The following LARP1B variants were observed in gnomAD, a reference collection of about 807,000 sequenced individuals.
The protein encoded by LARP1B is La ribonucleoprotein 1B, also known as la-related protein 1B.
In LARP1B, 76 loss-of-function variants were observed where a neutral mutation model predicts 114.2. The ratio of observed to expected loss-of-function variants is 0.67; its 90% confidence interval spans 0.55 to 0.81. LARP1B has a LOEUF of 0.81. Ranked by LOEUF, LARP1B falls within the 30% of genes least tolerant of loss-of-function variation. The pLI is 0.00. For synonymous variants in LARP1B, 345 were observed against 348.0 expected (o/e 0.99, Z 0.10); for missense variants, 1,014 against 1,075.8 (o/e 0.94, Z 0.80).
intron 11 of LARP1B, among the ~76,000 whole-genome samples, chr4:128,128,132 T>C (rs1450603236): frequency 1.3e-5 from 2 of 152,138 alleles, no homozygotes; most frequent in Non-Finnish European, 2.9e-5. Context: ...CAAAATTAAC[T>C]TGAGTTAAAT....
At chr4:128,094,927 T>A (rs1777350529) in intron 7 of LARP1B, among the ~76,000 whole-genome samples, 1 of 151,984 alleles carries the variant, frequency 6.6e-6, no homozygotes, top group Non-Finnish European at 1.5e-5. Context: ...AATTTTGTAT[T>A]TTTAGTAAAG....
intron 1 of LARP1B, chr4:128,062,317 G>A (rs1760474047): frequency 1.0e-6 from 1 of 963,814 alleles, no homozygotes; most frequent in Non-Finnish European, 1.2e-6. Flanking sequence ...ACCAGGCCCG[G>A]GTAACGGCAG....
intron 11 of LARP1B, among the ~76,000 whole-genome samples, chr4:128,131,779 A>G (rs975688478): frequency 6.6e-6 from 1 of 152,216 alleles, no homozygotes; most frequent in Non-Finnish European, 1.5e-5. Context: ...TTCAAAGAAG[A>G]TATACATGGG....
At chr4:128,108,614 A>G in intron 9 of LARP1B, 1 of 985,436 alleles carries the variant, frequency 1.0e-6, no homozygotes, top group African/African-American at 1.7e-5. Context: ...TTGGACAGGC[A>G]TTTTAAAAGC....
At chr4:128,220,147 A>AC (rs1759897932) in intron 6 of LARP1B, among the ~76,000 whole-genome samples, 1 of 152,034 alleles carries the variant, frequency 6.6e-6, no homozygotes, top group Non-Finnish European at 1.5e-5. Flanking sequence ...AGCCTCCCAA[A>AC]GTGCTGTGAT....
intron 15 of LARP1B, among the ~76,000 whole-genome samples, chr4:128,196,634 G>A (rs779702346): frequency 1.3e-5 from 2 of 150,476 alleles, no homozygotes; most frequent in African/African-American, 2.4e-5. Flanking sequence ...TCACTCTGTC[G>A]CCCAGGCTGG....
chr4:128,078,104 A>C, intron 4 of LARP1B, 142 bp downstream of exon 4: 3 of 546,838 alleles, frequency 5.5e-6, no homozygotes, highest in South Asian at 5.6e-5. Context: ...GAGGTAACTC[A>C]TTTGCTTTTG....
chr4:128,196,890 G>A (rs566482271), intron 15 of LARP1B, among the ~76,000 whole-genome samples: 1 of 152,232 alleles, frequency 6.6e-6, no homozygotes, highest in South Asian at 2.1e-4. Context: ...TTTGATTTAT[G>A]CTGCTACATG....
intron 11 of LARP1B, among the ~76,000 whole-genome samples, 165 bp from the exon 12 acceptor site, chr4:128,162,029 G>A (rs1451113219): frequency 6.6e-6 from 1 of 152,050 alleles, no homozygotes; most frequent in African/African-American, 2.4e-5. Flanking sequence ...GATTCTGAAT[G>A]TTGTTATTAA....
rs144695428 is a variant in LARP1B at position 128,173,505 on chromosome 4, G to C, written c.1649-3367G>C. Among the ~76,000 whole-genome samples, 666 of 152,278 alleles carry C rather than the reference G, an allele frequency of 4.4e-3. 6 individuals carry two copies. Among genetic ancestry groups the C allele is most frequent in the African/African-American group, 0.015 (631 of 41,544 alleles). On this transcript the variant is annotated intron_variant, in intron 12 of 19. Transcript: ENST00000326639. ...GTTTTATTTTTATAAAGGCAGTAGA[G>C]ACTGCAGACAAGGCTCATATGGTTC...
intron 12 of LARP1B, among the ~76,000 whole-genome samples, chr4:128,173,316 T>A (rs1027374288): frequency 2.0e-5 from 3 of 152,160 alleles, no homozygotes; most frequent in African/African-American, 7.2e-5. Flanking sequence ...AACAGAGACC[T>A]TATGTCTTGA....
chr4:128,213,754 C>A (rs574496078), downstream of LARP1B, among the ~76,000 whole-genome samples: 3 of 152,178 alleles, frequency 2.0e-5, 1 homozygote, highest in South Asian at 6.2e-4. Context: ...TTAGTTGAAG[C>A]TGTCTTTGAC....
intron 5 of LARP1B, 109 bp from the exon 6 acceptor site, chr4:128,090,892 G>A: frequency 1.3e-6 from 1 of 770,294 alleles, no homozygotes; most frequent in Non-Finnish European, 2.0e-6. Flanking sequence ...CCTGGCTACT[G>A]TTCATTAGTT....
At chr4:128,081,363 G>A (rs7695503) in intron 4 of LARP1B, among the ~76,000 whole-genome samples, 3,810 of 146,140 alleles carry the variant, frequency 0.026, 74 homozygotes, top group Middle Eastern at 0.062. Flanking sequence ...ACAGGCATGA[G>A]CCACTGCGCC....
intron 7 of LARP1B, among the ~76,000 whole-genome samples, chr4:128,094,373 G>GT (rs1407097982): frequency 1.4e-5 from 2 of 147,946 alleles, no homozygotes; most frequent in Non-Finnish European, 3.0e-5. Context: ...ATCTTTAGAG[G>GT]TTTTTTCCTT....
At chr4:128,140,021 T>C (rs1193334360) in intron 11 of LARP1B, among the ~76,000 whole-genome samples, 1 of 152,216 alleles carries the variant, frequency 6.6e-6, no homozygotes, top group Non-Finnish European at 1.5e-5. Flanking sequence ...AAATAGGATG[T>C]GTTTTAAATG....
chr4:128,126,688 A>T (rs1789728885), intron 11 of LARP1B, among the ~76,000 whole-genome samples: 1 of 152,216 alleles, frequency 6.6e-6, no homozygotes. Context: ...GCAAAGAAAT[A>T]GAATATATGA....
At chr4:128,200,731 AG>A in intron 17 of LARP1B, 66 bp downstream of exon 17, 1 of 1,189,006 alleles carries the variant, frequency 8.4e-7, no homozygotes, top group Non-Finnish European at 1.2e-6. Flanking sequence ...TTCTTTACCC[AG>A]GTAGATCCGA....
chr4:128,073,404 A>T (rs1766161923), intron 1 of LARP1B, among the ~76,000 whole-genome samples: 1 of 110,976 alleles, frequency 9.0e-6, no homozygotes, highest in Non-Finnish European at 1.7e-5. Flanking sequence ...CGACAGAGTG[A>T]GAAGATTCCG....
Sources: gnomAD v4.1 joint callset for allele counts (sites outside exome capture counted in the v4.1 genomes callset) on GRCh38, gnomAD v4.1.1 for gene constraint, MANE v1.5 for transcripts, NCBI Gene and HGNC (gene_info 2026-07-23, HGNC 2026-07-21) for gene names.